The following FAM110B variants were observed in gnomAD, a reference collection of about 807,000 sequenced individuals.
FAM110B encodes family with sequence similarity 110 member B.
A neutral mutation model predicts 20.4 loss-of-function variants in FAM110B; 6 were observed. The observed-to-expected ratio is 0.29, with a 90% confidence interval of 0.16 to 0.58. The LOEUF (loss-of-function observed/expected upper bound fraction) is 0.58. Ranked by LOEUF, FAM110B falls within the 20% of genes least tolerant of loss-of-function variation. FAM110B has a pLI of 0.90. For missense variants in FAM110B, 434 were observed against 498.2 expected, an observed-to-expected ratio of 0.87 and a Z score of 1.23; for synonymous variants, 226 against 214.1, an observed-to-expected ratio of 1.06 and a Z score of -0.49.
At chr8:58,013,030 G>T (rs1019276640) in intron 1 of FAM110B, among the ~76,000 whole-genome samples, 1 of 152,106 alleles carries the variant, frequency 6.6e-6, no homozygotes, top group African/African-American at 2.4e-5. Flanking sequence ...TTCCCCCCGG[G>T]CTGTCACTTC....
At chr8:58,072,215 A>G (rs10504244) in intron 2 of FAM110B, among the ~76,000 whole-genome samples, 45,454 of 152,118 alleles carry the variant, frequency 0.3, 8,245 homozygotes, top group Non-Finnish European at 0.41. Flanking sequence ...CCACTGTGAA[A>G]GCCTTGGGCA....
At chr8:58,045,360 G>A (rs560706145) in intron 2 of FAM110B, among the ~76,000 whole-genome samples, 1 of 152,130 alleles carries the variant, frequency 6.6e-6, no homozygotes, top group African/African-American at 2.4e-5. Flanking sequence ...AGCATCTTGA[G>A]GGCAGGATGT....
At chr8:58,125,787 G>A (rs1030555521) in intron 3 of FAM110B, among the ~76,000 whole-genome samples, 2 of 151,944 alleles carry the variant, frequency 1.3e-5, no homozygotes, top group African/African-American at 4.8e-5. Context: ...CCTTTATTTG[G>A]GAAGCAGATT....
chr8:58,011,662 A>G (rs970743374), intron 1 of FAM110B, among the ~76,000 whole-genome samples: 4 of 152,210 alleles, frequency 2.6e-5, no homozygotes, highest in African/African-American at 7.2e-5. Context: ...GAAGAAAGAA[A>G]GAGAACCTTT....
intron 2 of FAM110B, among the ~76,000 whole-genome samples, chr8:58,057,895 T>G (rs1805580596): frequency 6.6e-6 from 1 of 152,246 alleles, no homozygotes; most frequent in African/African-American, 2.4e-5. Flanking sequence ...ATTCACCTGG[T>G]GCTTGTGTTA....
intron 2 of FAM110B, among the ~76,000 whole-genome samples, chr8:58,035,236 T>C (rs1038415110): frequency 6.6e-6 from 1 of 152,238 alleles, no homozygotes; most frequent in Non-Finnish European, 1.5e-5. Context: ...GGAAGTATAC[T>C]GGAAAATGCT....
chr8:57,997,724 A>C (rs1804213596), intron 1 of FAM110B, among the ~76,000 whole-genome samples: 1 of 152,208 alleles, frequency 6.6e-6, no homozygotes, highest in African/African-American at 2.4e-5. Flanking sequence ...CATTCATTCT[A>C]TTCAGTACAG....
Position 58,071,059 on chromosome 8 carries a change from G to A in FAM110B, c.-413-4476G>A, listed in dbSNP as rs143286007. Among the ~76,000 whole-genome samples, 12 of 152,182 alleles carry A rather than the reference G, an allele frequency of 7.9e-5. No individual in the cohort carries two copies. The South Asian group carries it at 1.7e-3, about 21-fold the overall frequency. ...TTGAGTTAGGAGTTGAAACGAAGTC[G>A]CAGGAAGGTGGGGTTCTTACCACTT... On this transcript the variant is annotated intron_variant, in intron 2 of 3. Coordinates refer to ENST00000519262, the MANE Select transcript of FAM110B (RefSeq NM_001377989.1).
intron 2 of FAM110B, among the ~76,000 whole-genome samples, chr8:58,036,372 T>C (rs1805073935): frequency 6.6e-6 from 1 of 152,252 alleles, no homozygotes; most frequent in Non-Finnish European, 1.5e-5. Context: ...CAAGACTTAT[T>C]ATCTTACTTG....
intron 3 of FAM110B, among the ~76,000 whole-genome samples, chr8:58,106,049 T>C (rs1425244609): frequency 1.3e-5 from 2 of 152,232 alleles, no homozygotes; most frequent in Non-Finnish European, 2.9e-5. Flanking sequence ...GTCTAGTGAA[T>C]TTGAATTCCA....
At chr8:58,135,575 AT>A (rs534505543) in intron 3 of FAM110B, among the ~76,000 whole-genome samples, 95 of 152,358 alleles carry the variant, frequency 6.2e-4, no homozygotes, top group Non-Finnish European at 1.0e-3. Context: ...TTTTTCAAAA[AT>A]AAATGTTCTG....
chr8:58,008,567 C>T (rs1243599241), intron 1 of FAM110B, among the ~76,000 whole-genome samples: 1 of 152,170 alleles, frequency 6.6e-6, no homozygotes, highest in East Asian at 1.9e-4. Context: ...GCACATCAAA[C>T]ATTTTTTTGT....
intron 1 of FAM110B, among the ~76,000 whole-genome samples, chr8:57,995,016 C>T (rs1205163025): frequency 1.3e-5 from 2 of 152,240 alleles, no homozygotes; most frequent in East Asian, 3.9e-4. Flanking sequence ...GGACCCCGTC[C>T]GGCTTTCTGG....
At chr8:58,057,731 T>A (rs891530299) in intron 2 of FAM110B, among the ~76,000 whole-genome samples, 1 of 152,246 alleles carries the variant, frequency 6.6e-6, no homozygotes, top group South Asian at 2.1e-4. Context: ...AGGTTAGTTA[T>A]CTCTCCATCA....
chr8:58,051,833 A>C (rs1297229460), intron 2 of FAM110B, among the ~76,000 whole-genome samples: 3 of 152,176 alleles, frequency 2.0e-5, no homozygotes, highest in Non-Finnish European at 4.4e-5. Flanking sequence ...TTCACATGGA[A>C]TTGTATTTCA....
chr8:58,003,867 C>T (rs953757104), intron 1 of FAM110B, among the ~76,000 whole-genome samples: 1 of 152,164 alleles, frequency 6.6e-6, no homozygotes, highest in East Asian at 1.9e-4. Context: ...GCTTCAACTT[C>T]AAGTTACCAA....
chr8:58,046,742 T>C (rs1331085306), intron 2 of FAM110B, among the ~76,000 whole-genome samples: 1 of 152,226 alleles, frequency 6.6e-6, no homozygotes, highest in African/African-American at 2.4e-5. Context: ...CTCTCACTTA[T>C]TTTGCAAGAA....
intron 3 of FAM110B, among the ~76,000 whole-genome samples, chr8:58,136,294 G>C (rs1281600568): frequency 6.6e-6 from 1 of 152,126 alleles, no homozygotes; most frequent in Non-Finnish European, 1.5e-5. Context: ...ATAGGCGTGA[G>C]CCACCGTGCC....
chr8:58,033,896 A>T (rs1470452097), intron 2 of FAM110B, among the ~76,000 whole-genome samples: 1 of 152,116 alleles, frequency 6.6e-6, no homozygotes, highest in Non-Finnish European at 1.5e-5. Flanking sequence ...ATGCCAGAGC[A>T]TTGCTGCTGG....
Sources: gnomAD v4.1 joint callset for allele counts (sites outside exome capture counted in the v4.1 genomes callset) on GRCh38, gnomAD v4.1.1 for gene constraint, MANE v1.5 for transcripts, NCBI Gene and HGNC (gene_info 2026-07-23, HGNC 2026-07-21) for gene names.